FLRT2: variants seen among roughly 807,000 people sequenced by gnomAD.
FLRT2 encodes the protein fibronectin leucine rich transmembrane protein 2.
Under a neutral mutation model 40.0 loss-of-function variants are expected in FLRT2, and 15 were observed. That is an observed-to-expected ratio of 0.38 (90% confidence interval 0.25 to 0.58). The LOEUF is 0.58. Ranked by LOEUF, FLRT2 falls within the 20% of genes least tolerant of loss-of-function variation. The probability of loss-of-function intolerance (pLI) is 0.71; values close to 1 mark genes in which losing one functional copy is unlikely to be tolerated. For missense variants in FLRT2, 726 were observed against 840.0 expected (o/e 0.86, Z 1.68); for synonymous variants, 380 against 336.8 (o/e 1.13, Z -1.41).
chr14:85,590,281 C>A (rs1307493435), intron 1 of FLRT2, among the ~76,000 whole-genome samples: 1 of 152,048 alleles, frequency 6.6e-6, no homozygotes, highest in African/African-American at 2.4e-5. Flanking sequence ...ACTTTGCTAG[C>A]CGTGTGACAG....
At chr14:85,542,140 C>CTA (rs1889018981) in intron 1 of FLRT2, among the ~76,000 whole-genome samples, 1 of 152,124 alleles carries the variant, frequency 6.6e-6, no homozygotes, top group Non-Finnish European at 1.5e-5. Flanking sequence ...TACTCTTGGG[C>CTA]TATGAGTTCA....
Position 85,574,808 on chromosome 14 carries a change from C to A in FLRT2, c.-377+44274C>A, listed in dbSNP as rs548507012. Among the ~76,000 whole-genome samples, 64 of 152,304 alleles carry A rather than the reference C, an allele frequency of 4.2e-4. 1 individual carries two copies. The highest frequency in any genetic ancestry group is 6.8e-3 in the Middle Eastern group (2 of 294). On this transcript the variant is annotated intron_variant, in intron 1 of 1. Coordinates refer to ENST00000330753, the MANE Select transcript of FLRT2 (RefSeq NM_013231.6). ...GAGGTGTGTAAGAAATCTAAGACCT[C>A]CTCACTGGCCAATTTGTTGTCTTCA...
In FLRT2 at chr14:85,627,833, C is replaced by G. The variant is rs965194592; in HGVS notation, c.*4336C>G. The G allele has an allele frequency of 4.2e-5, 7 of 167,078 alleles. No homozygotes were observed. The highest frequency in any genetic ancestry group is 2.6e-4 in the Admixed American group (4 of 15,286). The allele number at this position is 167,078 out of a possible 1,614,324, so 10.3% of individuals were successfully genotyped here. ...TGCATCACACATCCTCTGAGACCTA[C>G]CATGTCGCACACTTTGTTAATGACA... On this transcript the variant is annotated 3_prime_UTR_variant, in exon 2 of 2. Transcript: ENST00000330753.
At chr14:85,596,568 T>C (rs1327594072) in intron 1 of FLRT2, among the ~76,000 whole-genome samples, 4 of 152,218 alleles carry the variant, frequency 2.6e-5, no homozygotes, top group Middle Eastern at 3.2e-3. Flanking sequence ...TTTTCTGGAA[T>C]TGTCCAATGT....
At chr14:85,570,492 G>A (rs1890838099) in intron 1 of FLRT2, among the ~76,000 whole-genome samples, 1 of 151,926 alleles carries the variant, frequency 6.6e-6, no homozygotes, top group Non-Finnish European at 1.5e-5. Flanking sequence ...AGAGCAAAGA[G>A]TGAAGTGCAT....
intron 1 of FLRT2, among the ~76,000 whole-genome samples, chr14:85,600,127 G>A (rs1359821122): frequency 6.6e-6 from 1 of 152,174 alleles, no homozygotes; most frequent in Admixed American, 6.5e-5. Context: ...AAGAAGAATT[G>A]ACCTCACTAA....
At chr14:85,616,923 C>G (rs1206491074) in intron 1 of FLRT2, among the ~76,000 whole-genome samples, 1 of 152,110 alleles carries the variant, frequency 6.6e-6, no homozygotes, top group African/African-American at 2.4e-5. Flanking sequence ...TTTTTGATGT[C>G]CATGGGAGAA....
Position 85,629,455 on chromosome 14 carries a change from C to G in FLRT2, c.*5958C>G, listed in dbSNP as rs1256351918. The G allele has an allele frequency of 1.3e-5, 2 of 152,176 alleles. No homozygotes were observed. Among genetic ancestry groups the G allele is most frequent in the African/African-American group, 4.8e-5 (2 of 41,440 alleles). 9.4% of individuals were successfully genotyped at this position (152,176 alleles called of 1,614,324 possible). On this transcript the variant is annotated 3_prime_UTR_variant, in exon 2 of 2. Coordinates refer to ENST00000330753, the MANE Select transcript of FLRT2 (RefSeq NM_013231.6). ...AACTCAATCTAAAGGAATAATGGCA[C>G]CTGATAATTACTAACAACCTTTGTT...
intron 1 of FLRT2, among the ~76,000 whole-genome samples, chr14:85,540,636 T>C (rs10483977): frequency 0.024 from 3,621 of 152,220 alleles, 41 homozygotes; most frequent in South Asian, 0.04. Flanking sequence ...CTTTCGGTGA[T>C]TTGAGGTATG....
intron 1 of FLRT2, among the ~76,000 whole-genome samples, chr14:85,566,560 T>TGTGC (rs1555366644): frequency 1.3e-5 from 2 of 151,144 alleles, no homozygotes; most frequent in African/African-American, 2.4e-5. Flanking sequence ...TGTGTGTGTG[T>TGTGC]GTGTGTGTGT....
intron 1 of FLRT2, among the ~76,000 whole-genome samples, chr14:85,606,682 G>A (rs1036376234): frequency 2.0e-5 from 3 of 151,038 alleles, no homozygotes; most frequent in Non-Finnish European, 4.4e-5. Context: ...GCACCACCAC[G>A]CCCAGCTAAT....
In FLRT2 at chr14:85,535,354, CAAAA is replaced by C. The variant is rs3084489; in HGVS notation, c.-377+4829_-377+4832del. Among the ~76,000 whole-genome samples the C allele has an allele frequency of 1.6e-4, 23 of 147,130 alleles. 1 individual carries two copies. Among genetic ancestry groups the C allele is most frequent in the South Asian group, 4.3e-4 (2 of 4,652 alleles). On this transcript the variant is annotated intron_variant, in intron 1 of 1. Transcript: ENST00000330753. ...AAATATCCAATGAAAAGCCCCCCCCCAAAAAAAAAAAACAACAACATTTTGAGGT... is the reference window on the plus strand; with the variant it reads ...AAATATCCAATGAAAAGCCCCCCCCCAAAAAAAACAACAACATTTTGAGGT...
At chr14:85,546,358 CTTTT>C (rs749363754) in intron 1 of FLRT2, among the ~76,000 whole-genome samples, 63 of 152,276 alleles carry the variant, frequency 4.1e-4, no homozygotes, top group Non-Finnish European at 8.5e-4. Flanking sequence ...CTTCTGTGTT[CTTTT>C]GTCACCATCT....
In FLRT2 at chr14:85,623,760, C is replaced by T. The variant is rs1893538860; in HGVS notation, c.*263C>T. 3.0e-6 allele frequency: 1 copy of T among 335,720 alleles called. No individual in the cohort carries two copies. Among genetic ancestry groups the T allele is most frequent in the African/African-American group, 2.1e-5 (1 of 46,952 alleles). 20.8% of individuals were successfully genotyped at this position (335,720 alleles called of 1,614,324 possible). On this transcript the variant is annotated 3_prime_UTR_variant, in exon 2 of 2. Coordinates refer to ENST00000330753, the MANE Select transcript of FLRT2 (RefSeq NM_013231.6). ...AAAAAAAAGTTGCTGAAGTACTGTACAGGGTTGTACAATGAGAACCCAATG... is the reference window on the plus strand; with the variant it reads ...AAAAAAAAGTTGCTGAAGTACTGTATAGGGTTGTACAATGAGAACCCAATG...
rs912657780 is a variant in FLRT2, at chr14:85,530,407, C to G, written c.-504C>G. The G allele has an allele frequency of 1.0e-4, 16 of 152,598 alleles. No individual in the cohort carries two copies. The highest frequency in any genetic ancestry group is 1.3e-4 in the Admixed American group (2 of 15,288). 9.5% of individuals were successfully genotyped at this position (152,598 alleles called of 1,614,324 possible). A position where few individuals can be genotyped will look rare whatever the true frequency, so the allele number is the denominator to read the frequency against. ...CAACGATGGGCAGGAGGGACCTCGG[C>G]GGCGACCCCTAAAACAATACCATGC... is the stretch of plus-strand genomic sequence containing the variant. On this transcript the variant is annotated 5_prime_UTR_variant, in exon 1 of 2. Transcript: ENST00000330753.
chr14:85,583,577 C>G (rs544766436), intron 1 of FLRT2, among the ~76,000 whole-genome samples: 18 of 152,150 alleles, frequency 1.2e-4, no homozygotes, highest in Admixed American at 6.5e-5. Context: ...TGTGGAGAGA[C>G]GCTCCTAGCA....
rs112949062 is a variant in FLRT2 at position 85,571,799 on chromosome 14, C to T, written c.-377+41265C>T. 6.5e-4 allele frequency among the ~76,000 whole-genome samples: 99 copies of T among 152,240 alleles called. 1 individual carries two copies. Among genetic ancestry groups the T allele is most frequent in the African/African-American group, 2.2e-3 (90 of 41,540 alleles). ...TCTCAGTGGCTCTTGTTTCTCACTA[C>T]GGTGACCTAAACCATTTGTCAAGAG... On this transcript the variant is annotated intron_variant, in intron 1 of 1. Transcript: ENST00000330753.
At chr14:85,599,365 G>A (rs58177090) in intron 1 of FLRT2, among the ~76,000 whole-genome samples, 2 of 151,838 alleles carry the variant, frequency 1.3e-5, no homozygotes, top group Non-Finnish European at 2.9e-5. Context: ...CCACTGTGAA[G>A]AACAATCTTA....
intron 1 of FLRT2, among the ~76,000 whole-genome samples, chr14:85,611,915 A>C (rs1366224242): frequency 1.1e-5 from 1 of 94,866 alleles, no homozygotes; most frequent in East Asian, 2.7e-4. Flanking sequence ...CGTGCGCGAA[A>C]GCGTGTGTGT....
Sources: gnomAD v4.1 joint callset for allele counts (sites outside exome capture counted in the v4.1 genomes callset) on GRCh38, gnomAD v4.1.1 for gene constraint, MANE v1.5 for transcripts, NCBI Gene and HGNC (gene_info 2026-07-23, HGNC 2026-07-21) for gene names.